UMOD: variants seen among roughly 807,000 people sequenced by gnomAD.
UMOD encodes Tamm-Horsfall urinary glycoprotein.
UMOD carries 64 observed loss-of-function variants against 66.0 expected under a neutral mutation model. That is an observed-to-expected ratio of 0.97 (90% CI 0.79 to 1.19). The LOEUF (loss-of-function observed/expected upper bound fraction) is 1.19, where lower values mean the gene tolerates loss of function less well. UMOD is among the 50% of genes most tolerant of loss of function. The pLI is 0.00. For missense variants in UMOD, 764 were observed against 850.9 expected (o/e 0.90, Z 1.27); for synonymous variants, 398 against 352.7 (o/e 1.13, Z -1.44).
At chr16:20,353,550 A>G (rs564375229), upstream of UMOD, among the ~76,000 whole-genome samples, 4 of 152,338 alleles carry the variant, frequency 2.6e-5, no homozygotes, top group South Asian at 8.3e-4. Flanking sequence ...GATTATATTC[A>G]TGGAAGTAGT....
intron 2 of UMOD, chr16:20,349,605 C>T (rs1965789413): frequency 1.4e-6 from 2 of 1,384,960 alleles, no homozygotes; most frequent in African/African-American, 1.5e-5. Flanking sequence ...CACGTGCAAT[C>T]GCGCCCAGCT....
upstream of UMOD, among the ~76,000 whole-genome samples, chr16:20,354,389 A>G (rs1596571574): frequency 6.6e-6 from 1 of 152,302 alleles, no homozygotes; most frequent in East Asian, 1.9e-4. Context: ...TTGGTTTACA[A>G]TCCCACCAAC....
chr16:20,348,669 GCACCGC>G lies in UMOD; in HGVS notation c.626_631del (p.Gly209_Gly210del). 1 of 1,555,258 alleles carries G rather than the reference GCACCGC, an allele frequency of 6.4e-7. No individual in the cohort carries two copies. Among genetic ancestry groups the G allele is most frequent in the Non-Finnish European group, 8.7e-7 (1 of 1,153,096 alleles). ...TGGCACGCAGGTCTCGGCCATGCGC[GCACCGC>G]CCTGGCCCACGAAGCGGTACCAGCC... On this transcript the variant is annotated inframe_deletion, in exon 3 of 11. Transcript: ENST00000396138.
rs550937151 is a variant in UMOD, at chr16:20,336,780, G to T, written c.1741-53C>A. The T allele has an allele frequency of 5.6e-5, 87 of 1,548,022 alleles. No individual in the cohort carries two copies. In the African/African-American group the frequency reaches 1.0e-3, roughly 18 times the overall value. ...CCCTCCATGAAGGAGCCTGAATGTG[G>T]TTCTGCCACGTGGAGTGGACTGCCC... On this transcript the variant is annotated intron_variant, in intron 8 of 10. Transcript: ENST00000396138.
chr16:20,346,457 G>T (rs1965592853), intron 4 of UMOD, 123 bp from the exon 5 acceptor site: 1 of 939,094 alleles, frequency 1.1e-6, no homozygotes, highest in Non-Finnish European at 1.7e-6. Context: ...ATAGCCTTGA[G>T]CTGATCTGTC....
intron 7 of UMOD, 50 bp from the exon 8 acceptor site, chr16:20,337,503 G>T (rs762920831): frequency 1.2e-6 from 2 of 1,611,066 alleles, no homozygotes; most frequent in African/African-American, 2.7e-5. Flanking sequence ...AAAGATTCTG[G>T]AGTCAGACTT....
chr16:20,334,229 C>A (rs541350786), intron 10 of UMOD, among the ~76,000 whole-genome samples: 1 of 152,060 alleles, frequency 6.6e-6, no homozygotes, highest in South Asian at 2.1e-4. Context: ...AGTGGGGGTT[C>A]TTGTTTGGCC....
At chr16:20,336,799 A>G in intron 8 of UMOD, 72 bp from the exon 9 acceptor site, 1 of 1,394,844 alleles carries the variant, frequency 7.2e-7, no homozygotes, top group African/African-American at 1.4e-5. Flanking sequence ...CGTGGAGTGG[A>G]CTGCCCACCT....
At position 20,348,416 on chromosome 16, in the gene UMOD, G is replaced by A; in HGVS notation, c.865+20C>T. 1.2e-6 allele frequency: 2 copies of A among 1,614,092 alleles called. No individual in the cohort carries two copies. Among genetic ancestry groups the A allele is most frequent in the South Asian group, 1.1e-5 (1 of 91,084 alleles). On this transcript the variant is annotated intron_variant, in intron 3 of 10. Coordinates refer to ENST00000396138, the MANE Select transcript of UMOD (RefSeq NM_003361.4). ...CCTTTCCAGGCCTGGGATGAGGACT[G>A]TGGGGAGACTCCGGCTGACCTGTGC...
rs557659943 is a variant in UMOD at position 20,348,216 on chromosome 16, G to A, written c.973+7C>T. On this transcript the variant is annotated splice_region_variant and intron_variant, in intron 4 of 10. Coordinates refer to ENST00000396138, the MANE Select transcript of UMOD (RefSeq NM_003361.4). ...TCAACAACCCGCTTCCTCCCCACTG[G>A]CCTCACCAGTGATGTTGAAGTCCTG... The A allele has an allele frequency of 3.4e-4, 554 of 1,612,826 alleles. 4 individuals are homozygous for A. Among genetic ancestry groups the A allele is most frequent in the South Asian group, 2.9e-3 (264 of 91,046 alleles).
chr16:20,344,377 C>T (rs893467069), intron 5 of UMOD, among the ~76,000 whole-genome samples: 1 of 151,930 alleles, frequency 6.6e-6, no homozygotes, highest in Non-Finnish European at 1.5e-5. Flanking sequence ...CCGAGGCAGG[C>T]GGATCACCTG....
In UMOD at chr16:20,333,389, A is replaced by C; in HGVS notation, c.1862-14T>G. 6.2e-7 allele frequency: 1 copy of C among 1,609,586 alleles called. No individual in the cohort carries two copies. The highest frequency in any genetic ancestry group is 1.3e-5 in the African/African-American group (1 of 74,948). The stretch of plus-strand genomic sequence containing the variant: ...CTTTCAGGAGCCCTGAAAAGAAAAC[A>C]GTGACAGGGCAACTGCTAGTACTGC... On this transcript the variant is annotated splice_polypyrimidine_tract_variant and intron_variant, in intron 10 of 10. Coordinates refer to ENST00000396138, the MANE Select transcript of UMOD (RefSeq NM_003361.4).
chr16:20,353,062 G>A (rs1567314358), upstream of UMOD, among the ~76,000 whole-genome samples: 1 of 152,180 alleles, frequency 6.6e-6, no homozygotes, highest in Non-Finnish European at 1.5e-5. Flanking sequence ...GGCAGGGTGG[G>A]ATCAAGGAGC....
intron 4 of UMOD, among the ~76,000 whole-genome samples, chr16:20,347,304 T>C (rs939513922): frequency 1.3e-5 from 2 of 152,152 alleles, no homozygotes; most frequent in African/African-American, 4.8e-5. Context: ...ATTACAGGCA[T>C]GAGCCACTGC....
Position 20,349,190 on chromosome 16 carries a change from G to T in UMOD, c.111C>A (p.Ser37Arg). The stretch of plus-strand genomic sequence containing the variant: ...CCTCATCCTCCGTGCAGGTGGCATT[G>T]CTGTGACATTCAGAGCACCATCCTG... The part of the protein sequence containing the change: ...SEARWCSECH[S>R]NATCTEDEAV... Residue 37 changes from serine to arginine, a missense_variant, in exon 3 of 11, where the codon AGC becomes AGA. Ser to Arg is a moderately radical substitution (Grantham distance 110, BLOSUM62 -1). Coordinates refer to ENST00000396138, the MANE Select transcript of UMOD (RefSeq NM_003361.4). The T allele has an allele frequency of 6.2e-7, 1 of 1,613,782 alleles. No individual in the cohort carries two copies. Among genetic ancestry groups the T allele is most frequent in the Non-Finnish European group, 8.5e-7 (1 of 1,180,008 alleles).
In UMOD at chr16:20,346,936, A is replaced by T. The variant is rs186258482; in HGVS notation, c.974-602T>A. On this transcript the variant is annotated intron_variant, in intron 4 of 10. Transcript: ENST00000396138. ...AAGAAAAAGCAAGCAAGCTGCAATT[A>T]CTTTCTACCCTTTTCACATCAAGGA... Among the ~76,000 whole-genome samples the T allele has an allele frequency of 4.0e-4, 61 of 152,320 alleles. No individual in the cohort carries two copies. The East Asian group carries it at 0.01, about 26-fold the overall frequency.
Position 20,333,311 on chromosome 16 carries a change from C to G in UMOD, c.*3G>C. ...CATGGAGCACAGGGCTTTCCGCTGT[C>G]AGTCACTGAAAAGTCAGGGTCAAGG... On this transcript the variant is annotated 3_prime_UTR_variant, in exon 11 of 11. Transcript: ENST00000396138. 6.2e-7 allele frequency: 1 copy of G among 1,612,834 alleles called. No homozygotes were observed. The highest frequency in any genetic ancestry group is 8.5e-7 in the Non-Finnish European group (1 of 1,179,628).
At position 20,348,768 on chromosome 16, in the gene UMOD, C is replaced by A. The variant is rs1228791562; in HGVS notation, c.533G>T (p.Arg178Leu). 1 of 1,543,566 alleles carries A rather than the reference C, an allele frequency of 6.5e-7. No homozygotes were observed. Among genetic ancestry groups the A allele is most frequent in the South Asian group, 1.2e-5 (1 of 83,950 alleles). The change falls in exon 3 of 11, where the codon CGC (arginine) becomes CTC (leucine). Residue 178 changes from arginine (R) to leucine (L), a missense_variant. Transcript: ENST00000396138. ...GCTGCGCCAGTACTCGTCCAGGGTG[C>A]GGTGCGCCTGGCACGGATCCGCGCA... ...LVCADPCQAHRTLDEYWRSTE... is the reference protein window; with the variant it reads ...LVCADPCQAHLTLDEYWRSTE...
At chr16:20,350,417 A>G (rs1965834268) in intron 2 of UMOD, among the ~76,000 whole-genome samples, 1 of 152,188 alleles carries the variant, frequency 6.6e-6, no homozygotes, top group African/African-American at 2.4e-5. Flanking sequence ...AAAATTCAGC[A>G]TCTCAGGTCC....
Sources: allele counts gnomAD v4.1 joint callset (sites outside exome capture counted in the v4.1 genomes callset), GRCh38; gene constraint gnomAD v4.1.1; transcripts MANE v1.5; gene names NCBI Gene and HGNC (gene_info 2026-07-23, HGNC 2026-07-21).